The following NCK2 variants were observed in gnomAD, a reference collection of about 807,000 sequenced individuals.
The protein encoded by NCK2 is NCK adaptor protein 2.
NCK2 carries 16 observed loss-of-function variants against 33.9 expected under a neutral mutation model. The observed-to-expected ratio is 0.47, with a 90% confidence interval of 0.32 to 0.72. NCK2 has a LOEUF of 0.72. NCK2 is among the 30% of genes least tolerant of loss of function. The probability of loss-of-function intolerance (pLI) is 0.03; values close to 1 mark genes in which losing one functional copy is unlikely to be tolerated. For missense variants in NCK2, 418 were observed against 537.3 expected, an observed-to-expected ratio of 0.78 and a Z score of 2.19; for synonymous variants, 273 against 239.9, an observed-to-expected ratio of 1.14 and a Z score of -1.27.
At chr2:105,835,941 A>G (rs539512934) in intron 2 of NCK2, among the ~76,000 whole-genome samples, 65 of 150,818 alleles carry the variant, frequency 4.3e-4, no homozygotes, top group Non-Finnish European at 7.5e-4. Context: ...TTTTTATTTA[A>G]TTCATTTAAT....
intron 1 of NCK2, among the ~76,000 whole-genome samples, chr2:105,812,417 A>G (rs1336644541): frequency 1.3e-5 from 2 of 152,208 alleles, no homozygotes; most frequent in East Asian, 1.9e-4. Context: ...CCACTTGAAT[A>G]AGGTTCTCTT....
chr2:105,893,265 C>T lies in NCK2; in HGVS notation c.*89C>T, dbSNP rs749128300. 1 of 1,264,190 alleles carries T rather than the reference C, an allele frequency of 7.9e-7. No homozygotes were observed. Among genetic ancestry groups the T allele is most frequent in the Non-Finnish European group, 1.1e-6 (1 of 931,596 alleles). The allele number at this position is 1,264,190 out of a possible 1,614,324, so 78.3% of individuals were successfully genotyped here. On this transcript the variant is annotated 3_prime_UTR_variant, in exon 5 of 5. Transcript: ENST00000233154. The stretch of plus-strand genomic sequence containing the variant: ...GCAGAGGCTCCTCCCGCGGGGACGG[C>T]CCCGACGGCTTCTCTGCGAGTCTCT...
chr2:105,869,767 G>A (rs946800148), intron 3 of NCK2, among the ~76,000 whole-genome samples: 42 of 152,112 alleles, frequency 2.8e-4, no homozygotes, highest in African/African-American at 9.9e-4. Context: ...TTGGGCTCAT[G>A]GATCTGGTAT....
intron 2 of NCK2, among the ~76,000 whole-genome samples, chr2:105,831,060 G>T (rs1011698292): frequency 4.6e-5 from 7 of 152,038 alleles, no homozygotes; most frequent in African/African-American, 1.7e-4. Context: ...CCTTTGCTGT[G>T]CAAAAGCTTT....
At position 105,828,873 on chromosome 2, in the gene NCK2, A is replaced by T. The variant is rs1309039186; in HGVS notation, c.-17+12260A>T. 4.6e-5 allele frequency among the ~76,000 whole-genome samples: 7 copies of T among 152,354 alleles called. No individual in the cohort carries two copies. In the East Asian group the frequency reaches 1.3e-3, roughly 29 times the overall value. ...GAAATGTCTTCTTTTAATAGAAACCATAGCTCTTAGTATGAGCTCACACAC... is the reference window on the plus strand; with the variant it reads ...GAAATGTCTTCTTTTAATAGAAACCTTAGCTCTTAGTATGAGCTCACACAC... On this transcript the variant is annotated intron_variant, in intron 2 of 4. Transcript: ENST00000233154.
At chr2:105,772,895 A>ATT (rs34721498) in intron 1 of NCK2, among the ~76,000 whole-genome samples, 20,909 of 132,972 alleles carry the variant, frequency 0.16, 2,141 homozygotes, top group Admixed American at 0.22. Context: ...ACGTGTCCAC[A>ATT]TTTTTTTTTT....
intron 1 of NCK2, among the ~76,000 whole-genome samples, chr2:105,760,812 G>C (rs1689743220): frequency 6.6e-6 from 1 of 150,902 alleles, no homozygotes; most frequent in African/African-American, 2.4e-5. Context: ...GAGAGGCAGA[G>C]ACACCGAGAC....
intron 2 of NCK2, among the ~76,000 whole-genome samples, chr2:105,825,516 A>T (rs1675905707): frequency 6.6e-6 from 1 of 152,208 alleles, no homozygotes; most frequent in African/African-American, 2.4e-5. Context: ...AGATATGGGA[A>T]CGCTAATAAT....
intron 4 of NCK2, among the ~76,000 whole-genome samples, 167 bp downstream of exon 4, chr2:105,882,216 CT>C (rs1223212714): frequency 1.3e-5 from 2 of 152,230 alleles, no homozygotes; most frequent in Non-Finnish European, 2.9e-5. Context: ...TTACTTGCAT[CT>C]GTTTTGGGGA....
intron 1 of NCK2, among the ~76,000 whole-genome samples, chr2:105,763,065 G>A (rs1689818206): frequency 6.6e-6 from 1 of 152,126 alleles, no homozygotes; most frequent in South Asian, 2.1e-4. Context: ...AGGCGTGGTG[G>A]TATGTGCCTG....
At chr2:105,807,864 CTCTA>C (rs1254954191) in intron 1 of NCK2, among the ~76,000 whole-genome samples, 10 of 35,748 alleles carry the variant, frequency 2.8e-4, no homozygotes, top group East Asian at 9.3e-4. Flanking sequence ...CCTCCCTTCT[CTCTA>C]TCTCTCCCTC....
chr2:105,754,984 T>C (rs1390555400), intron 1 of NCK2, among the ~76,000 whole-genome samples: 1 of 152,112 alleles, frequency 6.6e-6, no homozygotes, highest in Non-Finnish European at 1.5e-5. Flanking sequence ...CACTTTTTTG[T>C]GTGTGACTCC....
intron 2 of NCK2, among the ~76,000 whole-genome samples, chr2:105,826,655 C>T (rs12995849): frequency 0.63 from 95,353 of 151,978 alleles, 30,836 homozygotes; most frequent in African/African-American, 0.79. Context: ...GGTTCTAGGC[C>T]CCCTGGATTT....
chr2:105,893,221 C>T lies in NCK2; in HGVS notation c.*45C>T, dbSNP rs764821563. 12 of 1,517,122 alleles carry T rather than the reference C, an allele frequency of 7.9e-6. No individual in the cohort carries two copies. Among genetic ancestry groups the T allele is most frequent in the Non-Finnish European group, 1.1e-5 (12 of 1,127,924 alleles). The allele number at this position is 1,517,122 out of a possible 1,614,324, so 94.0% of individuals were successfully genotyped here. A position where few individuals can be genotyped will look rare whatever the true frequency, so the allele number is the denominator to read the frequency against. ...TCGCCTCCCGGGCCCCACGGTGGAG[C>T]TGCCCGCCCGGCCTTGTGGCAGAGG... On this transcript the variant is annotated 3_prime_UTR_variant, in exon 5 of 5. Coordinates refer to ENST00000233154, the MANE Select transcript of NCK2 (RefSeq NM_003581.5).
intron 3 of NCK2, chr2:105,857,261 G>A (rs185422126): frequency 6.6e-6 from 1 of 152,312 alleles, no homozygotes; most frequent in East Asian, 1.9e-4. Context: ...CATGAGCTGT[G>A]ATCGGTTCAG....
chr2:105,807,108 A>T (rs1675074840), intron 1 of NCK2, among the ~76,000 whole-genome samples: 1 of 152,122 alleles, frequency 6.6e-6, no homozygotes. Flanking sequence ...TGGAGTACTA[A>T]AGTTTGTATC....
chr2:105,787,526 C>T (rs1232984871), intron 1 of NCK2, among the ~76,000 whole-genome samples: 1 of 152,168 alleles, frequency 6.6e-6, no homozygotes, highest in Non-Finnish European at 1.5e-5. Flanking sequence ...TCAGACTCTG[C>T]TGGCACTTGG....
chr2:105,789,926 A>G (rs575133207), intron 1 of NCK2, among the ~76,000 whole-genome samples: 2 of 152,314 alleles, frequency 1.3e-5, no homozygotes, highest in African/African-American at 4.8e-5. Context: ...CGCCAACTAA[A>G]TGTTCACGAA....
chr2:105,821,793 C>G (rs1384848109), intron 2 of NCK2, among the ~76,000 whole-genome samples: 1 of 142,974 alleles, frequency 7.0e-6, no homozygotes, highest in East Asian at 2.2e-4. Flanking sequence ...AGACTGTCCA[C>G]AGCTGTGCAT....
Sources: allele counts gnomAD v4.1 joint callset (sites outside exome capture counted in the v4.1 genomes callset), GRCh38; gene constraint gnomAD v4.1.1; transcripts MANE v1.5; gene names NCBI Gene and HGNC (gene_info 2026-07-23, HGNC 2026-07-21).